The following CX3CR1 variants were observed in gnomAD, a reference collection of about 807,000 sequenced individuals.
CX3CR1 encodes C-X3-C motif chemokine receptor 1, also known as CX3C chemokine receptor 1.
For synonymous variants in CX3CR1, 168 were observed against 178.5 expected (o/e 0.94, Z 0.47); for missense variants, 363 against 432.4 (o/e 0.84, Z 1.42).
the CX3CR1 span, among the ~76,000 whole-genome samples, chr3:39,289,887 T>C: frequency 1.3e-5 from 2 of 152,224 alleles, no homozygotes; most frequent in Non-Finnish European, 2.9e-5. Context: ...TCAAGCCTGC[T>C]GACACCTTGA....
chr3:39,291,833 C>T, the CX3CR1 span, among the ~76,000 whole-genome samples: 1 of 152,228 alleles, frequency 6.6e-6, no homozygotes, highest in Admixed American at 6.5e-5. Context: ...AATTTACCTA[C>T]ATGCAGTGTT....
At position 39,265,515 on chromosome 3, in the gene CX3CR1, C is replaced by T. The variant is rs1329673993; in HGVS notation, c.995G>A (p.Ser332Asn). ...GCTGCTCAGAACACTTCCATGCCTG[C>T]TCCTTTGTGATTCAGATGAGGAGAA... ...VDFSSSESQR[S>N]RHGSVLSSNF... The change falls in exon 2 of 2, where the codon AGC becomes AAC. Residue 332 changes from serine (S) to asparagine (N), a missense_variant. Physicochemically the swap from Ser to Asn is conservative, Grantham distance 46. Transcript: ENST00000399220. 1 of 1,614,124 alleles carries T rather than the reference C, an allele frequency of 6.2e-7. No individual in the cohort carries two copies. The highest frequency in any genetic ancestry group is 8.5e-7 in the Non-Finnish European group (1 of 1,180,056).
At chr3:39,269,275 A>T (rs566495491) in intron 1 of CX3CR1, among the ~76,000 whole-genome samples, 27 of 152,188 alleles carry the variant, frequency 1.8e-4, no homozygotes, top group Non-Finnish European at 2.6e-4. Flanking sequence ...TAAGCAACTG[A>T]TTGCCTGGTG....
At chr3:39,285,739 T>C (rs149263273), upstream of CX3CR1, among the ~76,000 whole-genome samples, 2,592 of 152,292 alleles carry the variant, frequency 0.017, 68 homozygotes, top group African/African-American at 0.059. Context: ...TCCATTAAAG[T>C]GGAACTTACC....
chr3:39,291,947 G>A, the CX3CR1 span, among the ~76,000 whole-genome samples: 1 of 152,220 alleles, frequency 6.6e-6, no homozygotes, highest in Non-Finnish European at 1.5e-5. Context: ...CCTGGCTCTA[G>A]GATAGCAGTA....
intron 1 of CX3CR1, among the ~76,000 whole-genome samples, chr3:39,270,602 T>C (rs552274172): frequency 6.6e-6 from 1 of 152,354 alleles, no homozygotes; most frequent in African/African-American, 2.4e-5. Flanking sequence ...TAGTATGCTG[T>C]CATTTGTGGA....
chr3:39,267,677 G>A lies in CX3CR1; in HGVS notation c.-9-1159C>T, dbSNP rs529312153. Among the ~76,000 whole-genome samples, 3 of 152,356 alleles carry A rather than the reference G, an allele frequency of 2.0e-5. No homozygotes were observed. The East Asian group carries it at 5.8e-4, about 29-fold the overall frequency. ...CTCTGCAGTCATAGAGGGGCTGACT[G>A]ATTCAAGATGGAGGATGGGGCTCCG... On this transcript the variant is annotated intron_variant, in intron 1 of 1. Transcript: ENST00000399220.
intron 1 of CX3CR1, among the ~76,000 whole-genome samples, chr3:39,274,481 C>CAAAAAAA (rs10663570): frequency 1.1e-5 from 1 of 88,292 alleles, no homozygotes; most frequent in African/African-American, 4.5e-5. Context: ...CAACCACCAC[C>CAAAAAAA]AAAAAAAAAA....
chr3:39,275,921 C>CA (rs5848496), intron 1 of CX3CR1, among the ~76,000 whole-genome samples: 13,453 of 140,546 alleles, frequency 0.096, 825 homozygotes, highest in Middle Eastern at 0.2. Flanking sequence ...GAGGATATCA[C>CA]AAAAAAAAAA....
chr3:39,290,729 G>A, the CX3CR1 span, among the ~76,000 whole-genome samples: 1 of 152,086 alleles, frequency 6.6e-6, no homozygotes, highest in African/African-American at 2.4e-5. Context: ...AGACCAGCCT[G>A]GCCAACATAG....
chr3:39,271,016 T>C (rs2040768980), intron 1 of CX3CR1, among the ~76,000 whole-genome samples: 1 of 152,204 alleles, frequency 6.6e-6, no homozygotes, highest in African/African-American at 2.4e-5. Flanking sequence ...GCAATAGGGC[T>C]GCAGTGAGGG....
rs2040702830 is a variant in CX3CR1, at chr3:39,266,469, T to C, written c.41A>G (p.Tyr14Cys). 6.2e-7 allele frequency: 1 copy of C among 1,613,944 alleles called. No homozygotes were observed. Among genetic ancestry groups the C allele is most frequent in the Admixed American group, 1.7e-5 (1 of 60,004 alleles). ...FPESVTENFEYDDLAEACYIG... is the reference protein window; with the variant it reads ...FPESVTENFECDDLAEACYIG... ...ATAACAGGCCTCAGCCAAATCATCG[T>C]ACTCAAAGTTTTCTGTCACTGATTC... The change falls in exon 2 of 2, where the codon TAC becomes TGC. Residue 14 changes from tyrosine (Y) to cysteine (C), a missense_variant. Coordinates refer to ENST00000399220, the MANE Select transcript of CX3CR1 (RefSeq NM_001337.4).
chr3:39,285,212 GAAAAA>G (rs4016656), upstream of CX3CR1, among the ~76,000 whole-genome samples: 14 of 115,618 alleles, frequency 1.2e-4, no homozygotes, highest in African/African-American at 4.7e-4. Context: ...CATTGGTACA[GAAAAA>G]AAAAAAAAAA....
the CX3CR1 span, among the ~76,000 whole-genome samples, chr3:39,288,984 T>C: frequency 6.6e-6 from 1 of 152,076 alleles, no homozygotes. Context: ...GACCAACACA[T>C]CTCTACTAAA....
At chr3:39,275,621 T>C (rs1032503128) in intron 1 of CX3CR1, among the ~76,000 whole-genome samples, 4 of 152,232 alleles carry the variant, frequency 2.6e-5, no homozygotes, top group Non-Finnish European at 4.4e-5. Context: ...AACCTCTTAG[T>C]AGATGGCCTA....
the CX3CR1 span, among the ~76,000 whole-genome samples, chr3:39,290,428 C>T: frequency 6.6e-6 from 1 of 152,330 alleles, no homozygotes; most frequent in Non-Finnish European, 1.5e-5. Flanking sequence ...ACATCACAGT[C>T]TGGCAGCTGA....
At position 39,265,293 on chromosome 3, in the gene CX3CR1, A is replaced by G. The variant is rs1050592; in HGVS notation, c.*149T>C. The G allele has an allele frequency of 0.24, 177,580 of 734,944 alleles. 23,413 individuals carry two copies. The highest frequency in any genetic ancestry group is 0.28 in the Non-Finnish European group (128,755 of 458,722). The allele number at this position is 734,944 out of a possible 1,614,324, so 45.5% of individuals were successfully genotyped here. The stretch of plus-strand genomic sequence containing the variant: ...GTTCATTCTTCAAATTTTGAGCACA[A>G]TTCTCAACAACACTCTAGGGTTGTT... On this transcript the variant is annotated 3_prime_UTR_variant, in exon 2 of 2. Transcript: ENST00000399220.
chr3:39,284,627 A>G (rs2040932081), upstream of CX3CR1, among the ~76,000 whole-genome samples: 1 of 152,270 alleles, frequency 6.6e-6, no homozygotes, highest in African/African-American at 2.4e-5. Context: ...ACGTACATCA[A>G]GGACTTCTCC....
At chr3:39,274,763 A>G (rs1258035440) in intron 1 of CX3CR1, among the ~76,000 whole-genome samples, 4 of 152,184 alleles carry the variant, frequency 2.6e-5, no homozygotes, top group Non-Finnish European at 4.4e-5. Context: ...ATTCTAGTCT[A>G]AGTAGAAATT....
Sources: gnomAD v4.1 joint callset for allele counts (sites outside exome capture counted in the v4.1 genomes callset) on GRCh38, gnomAD v4.1.1 for gene constraint, MANE v1.5 for transcripts, NCBI Gene and HGNC (gene_info 2026-07-23, HGNC 2026-07-21) for gene names.